The following ARHGAP6 variants were observed in gnomAD, a reference collection of about 807,000 sequenced individuals.
ARHGAP6 encodes the protein rho GTPase-activating protein 6.
Under a neutral mutation model 55.7 loss-of-function variants are expected in ARHGAP6, and 16 were observed. That is an observed-to-expected ratio of 0.29 (90% CI 0.19 to 0.44). The LOEUF is 0.44. Ranked by LOEUF, ARHGAP6 falls within the 20% of genes least tolerant of loss-of-function variation. The pLI is 1.00. For synonymous variants in ARHGAP6, 382 were observed against 360.9 expected (o/e 1.06, Z -0.66); for missense variants, 698 against 808.9 (o/e 0.86, Z 1.66).
chrX:11,386,407 G>A (rs1294653885), intron 1 of ARHGAP6, among the ~76,000 whole-genome samples: 10 of 112,055 alleles, frequency 8.9e-5, no homozygotes, highest in Non-Finnish European at 1.3e-4. Flanking sequence ...TAGAGACCAC[G>A]GAGTTCAGGG....
chrX:11,549,929 A>C (rs1352421315), intron 1 of ARHGAP6, among the ~76,000 whole-genome samples: 1 of 112,497 alleles, frequency 8.9e-6, no homozygotes, highest in Non-Finnish European at 1.9e-5. Context: ...GCACACACCA[A>C]GAGGATAATC....
rs757103663 is a variant in ARHGAP6 at position 11,362,406 on chromosome X, C to CA, written c.589-107700dup. On this transcript the variant is annotated intron_variant, in intron 1 of 12. Transcript: ENST00000337414. ...CATTCTCAGTAAACTATCGCAAGAA[C>CA]AAAAAACCAAACACCGCAAGTTCTC... Among the ~76,000 whole-genome samples, 588 of 109,697 alleles carry CA rather than the reference C, an allele frequency of 5.4e-3. 3 individuals are homozygous for CA. Among genetic ancestry groups the CA allele is most frequent in the African/African-American group, 0.019 (560 of 30,052 alleles).
chrX:11,304,707 C>A (rs1398851688), intron 1 of ARHGAP6, among the ~76,000 whole-genome samples: 1 of 108,859 alleles, frequency 9.2e-6, no homozygotes, highest in East Asian at 2.9e-4. Flanking sequence ...CAGACCCTTC[C>A]CTTGTCACTC....
chrX:11,468,684 C>T (rs1180922628), intron 1 of ARHGAP6, among the ~76,000 whole-genome samples: 4 of 112,368 alleles, frequency 3.6e-5, no homozygotes, highest in African/African-American at 1.3e-4. Flanking sequence ...ATTTTCTAAT[C>T]TGTTTTTTGC....
chrX:11,405,078 A>G (rs1377682592), intron 1 of ARHGAP6, among the ~76,000 whole-genome samples: 1 of 111,828 alleles, frequency 8.9e-6, no homozygotes, highest in Non-Finnish European at 1.9e-5. Flanking sequence ...TGGTAGGCCT[A>G]ATATAAGGGG....
At chrX:11,298,288 A>G in intron 1 of ARHGAP6, 1 of 1,208,525 alleles carries the variant, frequency 8.3e-7, no homozygotes, top group Non-Finnish European at 1.1e-6. Flanking sequence ...GTATGTAGAC[A>G]TTTTGTTCCT....
intron 5 of ARHGAP6, among the ~76,000 whole-genome samples, chrX:11,183,772 C>T: frequency 8.9e-6 from 1 of 111,779 alleles, no homozygotes; most frequent in Middle Eastern, 4.2e-3. Flanking sequence ...AAAGAGATAG[C>T]TAGAGCCAGA....
At chrX:11,369,950 A>G (rs2049125771) in intron 1 of ARHGAP6, among the ~76,000 whole-genome samples, 1 of 112,674 alleles carries the variant, frequency 8.9e-6, no homozygotes, top group Non-Finnish European at 1.9e-5. Context: ...CAAGGTTTGG[A>G]CAGATCTACA....
intron 1 of ARHGAP6, among the ~76,000 whole-genome samples, chrX:11,262,497 T>C (rs983267270): frequency 8.9e-6 from 1 of 111,989 alleles, no homozygotes; most frequent in Admixed American, 9.5e-5. Flanking sequence ...TATTACATCC[T>C]TGGGGCTAGT....
intron 1 of ARHGAP6, among the ~76,000 whole-genome samples, chrX:11,550,556 T>A (rs1323681370): frequency 2.7e-5 from 3 of 111,977 alleles, no homozygotes; most frequent in Non-Finnish European, 5.6e-5. Context: ...TAATTCAATG[T>A]CAACCAAGGC....
intron 1 of ARHGAP6, among the ~76,000 whole-genome samples, chrX:11,651,654 C>T (rs1374995171): frequency 7.2e-5 from 8 of 111,481 alleles, no homozygotes; most frequent in Non-Finnish European, 1.1e-4. Context: ...GGGTATATAC[C>T]GAGTAATGGG....
chrX:11,482,328 T>G (rs928935434), intron 1 of ARHGAP6, among the ~76,000 whole-genome samples: 2 of 112,143 alleles, frequency 1.8e-5, no homozygotes, highest in African/African-American at 6.5e-5. Flanking sequence ...CACTGACAGC[T>G]GGCGTACCCC....
At chrX:11,360,901 C>T (rs1324679555) in intron 1 of ARHGAP6, among the ~76,000 whole-genome samples, 1 of 110,711 alleles carries the variant, frequency 9.0e-6, no homozygotes, top group Non-Finnish European at 1.9e-5. Flanking sequence ...CTCCCATTCA[C>T]AACTGCTTCA....
chrX:11,220,257 T>C (rs952417747), intron 2 of ARHGAP6, among the ~76,000 whole-genome samples: 7 of 111,519 alleles, frequency 6.3e-5, no homozygotes, highest in Non-Finnish European at 1.3e-4. Flanking sequence ...TATCTCTGTT[T>C]TGGTACCAGT....
intron 1 of ARHGAP6, among the ~76,000 whole-genome samples, chrX:11,421,781 A>G (rs1214644091): frequency 1.8e-5 from 2 of 111,258 alleles, no homozygotes; most frequent in African/African-American, 6.5e-5. Flanking sequence ...TATTGGAACC[A>G]CCCCCAAAGC....
chrX:11,426,637 T>C (rs2049882524), intron 1 of ARHGAP6, among the ~76,000 whole-genome samples: 1 of 111,063 alleles, frequency 9.0e-6, no homozygotes, highest in South Asian at 3.9e-4. Context: ...TGGAATAAGG[T>C]AAACCTTCTC....
intron 8 of ARHGAP6, among the ~76,000 whole-genome samples, chrX:11,175,977 C>T (rs954434584): frequency 5.6e-5 from 6 of 106,740 alleles, no homozygotes; most frequent in Admixed American, 2.1e-4. Flanking sequence ...ACCAGTATAA[C>T]GACATTGTCC....
In ARHGAP6 at chrX:11,456,386, C is replaced by T. The variant is rs142412843; in HGVS notation, c.589-201679G>A. Among the ~76,000 whole-genome samples the T allele has an allele frequency of 5.6e-3, 619 of 111,240 alleles. 3 individuals are homozygous for T. Among genetic ancestry groups the T allele is most frequent in the African/African-American group, 0.019 (589 of 30,633 alleles). ...GGGTCCAAGTGTCCAAGATTTTCTTCGAGGAAAACAAAAAACAGGTAGAGA... is the reference window on the plus strand; with the variant it reads ...GGGTCCAAGTGTCCAAGATTTTCTTTGAGGAAAACAAAAAACAGGTAGAGA... On this transcript the variant is annotated intron_variant, in intron 1 of 12. Transcript: ENST00000337414.
intron 2 of ARHGAP6, among the ~76,000 whole-genome samples, chrX:11,218,285 C>T (rs1390097384): frequency 8.9e-6 from 1 of 112,000 alleles, no homozygotes; most frequent in Non-Finnish European, 1.9e-5. Flanking sequence ...AGCATTGAAT[C>T]TGTAAATTAC....
Sources: gnomAD v4.1 joint callset for allele counts (sites outside exome capture counted in the v4.1 genomes callset) on GRCh38, gnomAD v4.1.1 for gene constraint, MANE v1.5 for transcripts, NCBI Gene and HGNC (gene_info 2026-07-23, HGNC 2026-07-21) for gene names.